MTARC2: variants seen among roughly 807,000 people sequenced by gnomAD.
The protein encoded by MTARC2 is mitochondrial amidoxime reducing component 2, also known as MOCO sulphurase C-terminal domain containing 2.
A neutral mutation model predicts 35.6 loss-of-function variants in MTARC2; 27 were observed. The ratio of observed to expected loss-of-function variants is 0.76; its 90% CI spans 0.56 to 1.04. The LOEUF (loss-of-function observed/expected upper bound fraction) is 1.04. MTARC2 is among the 50% of genes least tolerant of loss of function. The pLI is 0.00. For synonymous variants in MTARC2, 158 were observed against 167.1 expected (o/e 0.95, Z 0.42); for missense variants, 412 against 432.5 (o/e 0.95, Z 0.42).
intron 2 of MTARC2, among the ~76,000 whole-genome samples, chr1:220,760,928 A>G (rs990924911): frequency 6.6e-6 from 1 of 152,260 alleles, no homozygotes; most frequent in African/African-American, 2.4e-5. Flanking sequence ...ACACTTTTAA[A>G]AGCATAATGT....
chr1:220,774,269 G>A (rs1028886458), intron 4 of MTARC2, among the ~76,000 whole-genome samples: 1 of 152,032 alleles, frequency 6.6e-6, no homozygotes, highest in Admixed American at 6.6e-5. Flanking sequence ...GTTATATCAT[G>A]TTGTCTAGAC....
At chr1:220,773,785 T>G (rs1436193673) in intron 4 of MTARC2, among the ~76,000 whole-genome samples, 1 of 152,060 alleles carries the variant, frequency 6.6e-6, no homozygotes, top group Non-Finnish European at 1.5e-5. Flanking sequence ...CTGTTGGGAT[T>G]ATACCTCTTA....
chr1:220,748,667 A>T lies in MTARC2; in HGVS notation c.136A>T (p.Arg46Trp). The T allele has an allele frequency of 6.3e-7, 1 of 1,578,384 alleles. No individual in the cohort carries two copies. Among genetic ancestry groups the T allele is most frequent in the Non-Finnish European group, 8.6e-7 (1 of 1,163,820 alleles). ...TGTCGCCTGGCGCCGCGCATGGCCC[A>T]GGCGGCGCCGGCGGCTGCAGCAGGT... ...GTVAWRRAWP[R>W]RRRRLQQVGT... Residue 46 changes from arginine to tryptophan, a missense_variant, in exon 1 of 8, where the codon AGG (arginine) becomes TGG (tryptophan). Transcript: ENST00000366913.
In MTARC2 at chr1:220,784,559, T is replaced by C. The variant is rs1028820717; in HGVS notation, c.*672T>C. 1.3e-5 allele frequency: 2 copies of C among 152,238 alleles called. No individual in the cohort carries two copies. Among genetic ancestry groups the C allele is most frequent in the African/African-American group, 4.8e-5 (2 of 41,448 alleles). 9.4% of individuals were successfully genotyped at this position (152,238 alleles called of 1,614,324 possible). ...TCTGTTTGTGTGTAACTGCCAGATA[T>C]ACCACCTGGAATTCCAAGTAAGATA... is the stretch of plus-strand genomic sequence containing the variant. On this transcript the variant is annotated 3_prime_UTR_variant, in exon 8 of 8. Coordinates refer to ENST00000366913, the MANE Select transcript of MTARC2 (RefSeq NM_017898.5).
In MTARC2 at chr1:220,768,836, C is replaced by T. The variant is rs569509309; in HGVS notation, c.750+5786C>T. Among the ~76,000 whole-genome samples, 13 of 152,190 alleles carry T rather than the reference C, an allele frequency of 8.5e-5. No individual in the cohort carries two copies. The South Asian group carries it at 1.2e-3, about 15-fold the overall frequency. The stretch of plus-strand genomic sequence containing the variant: ...CGTAATGAAAAGAACCAAGCAGGGG[C>T]CTGGGGAATGCAGGTGTCCCCTCCC... On this transcript the variant is annotated intron_variant, in intron 4 of 7. Transcript: ENST00000366913.
At chr1:220,764,056 A>G (rs1671510618) in intron 4 of MTARC2, among the ~76,000 whole-genome samples, 1 of 152,098 alleles carries the variant, frequency 6.6e-6, no homozygotes, top group Non-Finnish European at 1.5e-5. Flanking sequence ...CCCCTGAATG[A>G]ATGACCGTAC....
chr1:220,780,359 A>G (rs1572321543), intron 6 of MTARC2, 120 bp downstream of exon 6: 1 of 808,484 alleles, frequency 1.2e-6, no homozygotes, highest in East Asian at 2.8e-5. Flanking sequence ...AGAACCTTCC[A>G]GTCTACCTTC....
intron 4 of MTARC2, among the ~76,000 whole-genome samples, chr1:220,764,131 T>A (rs1037021260): frequency 1.3e-5 from 2 of 152,028 alleles, no homozygotes; most frequent in African/African-American, 4.8e-5. Context: ...TCTCGCTCTG[T>A]CACCCAGGCT....
At position 220,755,021 on chromosome 1, in the gene MTARC2, T is replaced by C. The variant is rs927578090; in HGVS notation, c.347T>C (p.Ile116Thr). The change falls in exon 2 of 8, where the codon ATC becomes ACC. Residue 116 changes from isoleucine to threonine, a missense_variant. Coordinates refer to ENST00000366913, the MANE Select transcript of MTARC2 (RefSeq NM_017898.5). ...GAGCCTCGCCTCGTGCTCATCTCCA[T>C]CATTTATGAGAATAACTGCCTGATC... ...RQEPRLVLISIIYENNCLIFR... is the reference protein window; with the variant it reads ...RQEPRLVLISTIYENNCLIFR... The C allele has an allele frequency of 6.2e-7, 1 of 1,613,340 alleles. No homozygotes were observed. Among genetic ancestry groups the C allele is most frequent in the South Asian group, 1.1e-5 (1 of 90,894 alleles).
Position 220,773,822 on chromosome 1 carries a change from G to A in MTARC2, c.751-6196G>A, listed in dbSNP as rs1482177582. On this transcript the variant is annotated intron_variant, in intron 4 of 7. Transcript: ENST00000366913. ...AAAAAATAAAGCAAAAAAGGCAAAA[G>A]AAAAAAATTAAGATTTATTATGAAA... 5.9e-5 allele frequency among the ~76,000 whole-genome samples: 9 copies of A among 151,826 alleles called. No homozygotes were observed. The East Asian group carries it at 1.7e-3, about 29-fold the overall frequency.
chr1:220,780,769 C>T (rs1355923029), intron 6 of MTARC2, among the ~76,000 whole-genome samples: 1 of 152,050 alleles, frequency 6.6e-6, no homozygotes, highest in Non-Finnish European at 1.5e-5. Context: ...TTCTATAATA[C>T]TACATTTTGA....
chr1:220,783,247 T>C (rs1035922913), intron 7 of MTARC2, among the ~76,000 whole-genome samples: 2 of 152,238 alleles, frequency 1.3e-5, no homozygotes, highest in African/African-American at 4.8e-5. Context: ...ATAATAATGG[T>C]GCATCTTACA....
chr1:220,769,807 C>A (rs954180087), intron 4 of MTARC2, among the ~76,000 whole-genome samples: 1 of 150,908 alleles, frequency 6.6e-6, no homozygotes, highest in Non-Finnish European at 1.5e-5. Context: ...AAATGTCTCT[C>A]AGAACGCCCT....
At chr1:220,771,933 T>C (rs558580410) in intron 4 of MTARC2, among the ~76,000 whole-genome samples, 2 of 152,342 alleles carry the variant, frequency 1.3e-5, no homozygotes, top group South Asian at 2.1e-4. Flanking sequence ...AAAAAAATTC[T>C]TCATCATCAT....
Position 220,748,488 on chromosome 1 carries a change from G to T in MTARC2, c.-44G>T. 7.4e-7 allele frequency: 1 copy of T among 1,351,716 alleles called. No individual in the cohort carries two copies. 83.7% of individuals were successfully genotyped at this position (1,351,716 alleles called of 1,614,324 possible). ...CTCCTCGTCCTCCCGGTCTCCGGTC[G>T]CTGCCGGGTCTGTGCGCCGGTCCGC... is the stretch of plus-strand genomic sequence containing the variant. On this transcript the variant is annotated 5_prime_UTR_variant, in exon 1 of 8. Coordinates refer to ENST00000366913, the MANE Select transcript of MTARC2 (RefSeq NM_017898.5).
intron 4 of MTARC2, among the ~76,000 whole-genome samples, chr1:220,766,174 TTGG>T (rs1202591202): frequency 4.6e-5 from 7 of 152,242 alleles, no homozygotes; most frequent in African/African-American, 1.7e-4. Flanking sequence ...GAATCTAGAC[TTGG>T]TGGGACCTGA....
At chr1:220,752,807 G>A (rs12738691) in intron 1 of MTARC2, among the ~76,000 whole-genome samples, 51,948 of 151,652 alleles carry the variant, frequency 0.34, 11,177 homozygotes, top group East Asian at 0.69. Flanking sequence ...AGATCACGCC[G>A]CTGTACTCCA....
chr1:220,780,089 C>G lies in MTARC2; in HGVS notation c.812+10C>G. 1 of 1,568,602 alleles carries G rather than the reference C, an allele frequency of 6.4e-7. No homozygotes were observed. The highest frequency in any genetic ancestry group is 8.6e-7 in the Non-Finnish European group (1 of 1,164,234). On this transcript the variant is annotated intron_variant, in intron 5 of 7. Transcript: ENST00000366913. ...TAATGGCATGCCCCAGGTAAGGAGC[C>G]TAGCTAGACCCCAGGACTGTGGTGT...
chr1:220,776,689 G>A (rs1400616238), intron 4 of MTARC2, among the ~76,000 whole-genome samples: 1 of 152,192 alleles, frequency 6.6e-6, no homozygotes, highest in Non-Finnish European at 1.5e-5. Context: ...GTCTAACAGT[G>A]AGAATAGATG....
Sources: allele counts gnomAD v4.1 joint callset (sites outside exome capture counted in the v4.1 genomes callset), GRCh38; gene constraint gnomAD v4.1.1; transcripts MANE v1.5; gene names NCBI Gene and HGNC (gene_info 2026-07-23, HGNC 2026-07-21).